PRKD1: variants seen among roughly 807,000 people sequenced by gnomAD.
The protein encoded by PRKD1 is serine/threonine-protein kinase D1.
PRKD1 carries 63 observed loss-of-function variants against 95.9 expected under a neutral mutation model. That is an observed-to-expected ratio of 0.66 (90% CI 0.54 to 0.81). The LOEUF (loss-of-function observed/expected upper bound fraction) is 0.81, where lower values mean the gene tolerates loss of function less well. PRKD1 is among the 30% of genes least tolerant of loss of function. The pLI, the probability that PRKD1 is intolerant of heterozygous loss-of-function variation, is 0.00. For missense variants in PRKD1, 1,048 were observed against 1,165.3 expected, an observed-to-expected ratio of 0.90 and a Z score of 1.47; for synonymous variants, 425 against 423.1, an observed-to-expected ratio of 1.00 and a Z score of -0.05.
intron 4 of PRKD1, among the ~76,000 whole-genome samples, chr14:29,640,595 T>G (rs1017204925): frequency 2.0e-5 from 3 of 152,142 alleles, no homozygotes; most frequent in South Asian, 2.1e-4. Flanking sequence ...ACCAGAATCA[T>G]GAATATATTG....
In PRKD1 at chr14:29,638,528, C is replaced by T; in HGVS notation, c.946G>A (p.Val316Ile). The change falls in exon 6 of 18, where the codon GTA (valine) becomes ATA (isoleucine). Residue 316 changes from valine to isoleucine, a missense_variant. Val to Ile is a conservative substitution (Grantham distance 29, BLOSUM62 3). Coordinates refer to ENST00000331968, the MANE Select transcript of PRKD1 (RefSeq NM_002742.3). ...ACTTCGCCAAGGCAGTTGTTTGGTA[C>T]TTTCGGTGCACAACGTTTATGGCAG... ...FNCHKRCAPK[V>I]PNNCLGEVTI... The T allele has an allele frequency of 3.1e-6, 5 of 1,614,214 alleles. No individual in the cohort carries two copies. Among genetic ancestry groups the T allele is most frequent in the Non-Finnish European group, 4.2e-6 (5 of 1,180,024 alleles).
chr14:29,646,834 G>C (rs1449317515), intron 4 of PRKD1, among the ~76,000 whole-genome samples: 1 of 151,246 alleles, frequency 6.6e-6, no homozygotes, highest in Non-Finnish European at 1.5e-5. Flanking sequence ...GGATTTTCCA[G>C]CACAGAGCTC....
chr14:29,900,993 G>T (rs1255059478), intron 1 of PRKD1, among the ~76,000 whole-genome samples: 2 of 152,156 alleles, frequency 1.3e-5, no homozygotes, highest in African/African-American at 4.8e-5. Flanking sequence ...CTGGGTATAT[G>T]CCCAAAAGAA....
rs529232378 is a variant in PRKD1 at position 29,786,302 on chromosome 14, T to G, written c.265-60628A>C. 8.5e-5 allele frequency among the ~76,000 whole-genome samples: 13 copies of G among 152,302 alleles called. No individual in the cohort carries two copies. The South Asian group carries it at 2.7e-3, about 32-fold the overall frequency. On this transcript the variant is annotated intron_variant, in intron 1 of 17. Coordinates refer to ENST00000331968, the MANE Select transcript of PRKD1 (RefSeq NM_002742.3). ...ATCAGGAATATGGCTTACAATTTTC[T>G]TTTTTTGTTGTTTCCTTGTCTGGTT... is the stretch of plus-strand genomic sequence containing the variant.
chr14:29,687,202 C>T (rs1249315140), intron 2 of PRKD1, among the ~76,000 whole-genome samples: 2 of 152,138 alleles, frequency 1.3e-5, no homozygotes, highest in Non-Finnish European at 2.9e-5. Flanking sequence ...TCTCTAATCT[C>T]TTATGATAAT....
chr14:29,750,616 G>GCACGCACACA (rs1887435870), intron 1 of PRKD1, among the ~76,000 whole-genome samples: 1 of 148,374 alleles, frequency 6.7e-6, no homozygotes, highest in African/African-American at 2.5e-5. Flanking sequence ...ATGAACGCGC[G>GCACGCACACA]CACACACACA....
At chr14:29,876,313 A>G (rs1237146007) in intron 1 of PRKD1, among the ~76,000 whole-genome samples, 1 of 152,184 alleles carries the variant, frequency 6.6e-6, no homozygotes, top group African/African-American at 2.4e-5. Context: ...GATAAAGAAC[A>G]GGTCATTGCC....
At chr14:29,778,519 A>G (rs547518265) in intron 1 of PRKD1, among the ~76,000 whole-genome samples, 82 of 152,346 alleles carry the variant, frequency 5.4e-4, no homozygotes, top group Middle Eastern at 3.4e-3. Context: ...TCTCTATGCA[A>G]ATAAACTAGA....
intron 2 of PRKD1, among the ~76,000 whole-genome samples, chr14:29,668,204 C>T (rs909999484): frequency 2.0e-5 from 3 of 152,210 alleles, no homozygotes; most frequent in Middle Eastern, 6.8e-3. Flanking sequence ...CATGCCACCT[C>T]GCCTAATCAC....
chr14:29,705,494 T>A (rs573226948), intron 2 of PRKD1, among the ~76,000 whole-genome samples: 15 of 151,992 alleles, frequency 9.9e-5, no homozygotes, highest in African/African-American at 3.6e-4. Context: ...ATTCACATCC[T>A]ATACAATTAA....
chr14:29,641,065 T>C (rs962106147), intron 4 of PRKD1, among the ~76,000 whole-genome samples: 5 of 152,190 alleles, frequency 3.3e-5, no homozygotes, highest in African/African-American at 1.2e-4. Flanking sequence ...AAGGGCAAGA[T>C]TATGTAAGAA....
intron 1 of PRKD1, among the ~76,000 whole-genome samples, chr14:29,884,696 C>A (rs573484350): frequency 2.6e-5 from 4 of 152,122 alleles, no homozygotes; most frequent in Non-Finnish European, 4.4e-5. Flanking sequence ...AAGACAGATG[C>A]TAGGATATTA....
chr14:29,597,503 T>G lies in PRKD1; in HGVS notation c.2422A>C (p.Ile808Leu), dbSNP rs139355024. ...TGGAAGATATTACCTTCATGAGATA[T>G]TTCCTTCCAGGGATTTGGTGGATAC... ...FMYPPNPWKE[I>L]SHEAIDLINN... The change falls in exon 16 of 18, where the codon ATA becomes CTA. Residue 808 changes from isoleucine (I) to leucine (L), a missense_variant. Physicochemically the swap from Ile to Leu is conservative, Grantham distance 5. Transcript: ENST00000331968. 18 of 1,602,966 alleles carry G rather than the reference T, an allele frequency of 1.1e-5. No individual in the cohort carries two copies. Among genetic ancestry groups the G allele is most frequent in the Non-Finnish European group, 1.5e-5 (17 of 1,170,782 alleles).
At chr14:29,876,375 G>C (rs1893290972) in intron 1 of PRKD1, among the ~76,000 whole-genome samples, 1 of 152,152 alleles carries the variant, frequency 6.6e-6, no homozygotes, top group Non-Finnish European at 1.5e-5. Context: ...AGGAATTTTG[G>C]AGGATGATGA....
chr14:29,602,971 C>G (rs1160419603), intron 13 of PRKD1, among the ~76,000 whole-genome samples: 3 of 152,180 alleles, frequency 2.0e-5, no homozygotes, highest in African/African-American at 7.2e-5. Context: ...CAAATGTTCT[C>G]TAATAGCATC....
At chr14:29,610,229 C>T (rs912170718) in intron 13 of PRKD1, among the ~76,000 whole-genome samples, 1 of 152,050 alleles carries the variant, frequency 6.6e-6, no homozygotes. Context: ...AAAAAAGCCA[C>T]AGACTGGGAG....
intron 1 of PRKD1, among the ~76,000 whole-genome samples, chr14:29,868,532 A>AT (rs1160515330): frequency 2.0e-5 from 3 of 152,166 alleles, no homozygotes; most frequent in African/African-American, 7.2e-5. Flanking sequence ...ACTTGGAGAG[A>AT]TTTGGCACTG....
chr14:29,605,575 C>T (rs1180536613), intron 13 of PRKD1, among the ~76,000 whole-genome samples: 2 of 152,152 alleles, frequency 1.3e-5, no homozygotes, highest in Non-Finnish European at 2.9e-5. Flanking sequence ...AGAGTCTTTG[C>T]TATAATCCCC....
intron 4 of PRKD1, among the ~76,000 whole-genome samples, chr14:29,659,020 C>A (rs115879466): frequency 6.6e-6 from 1 of 152,250 alleles, no homozygotes; most frequent in African/African-American, 2.4e-5. Context: ...TACTGAGGTA[C>A]AATTCATATG....
Sources: allele counts gnomAD v4.1 joint callset (sites outside exome capture counted in the v4.1 genomes callset), GRCh38; gene constraint gnomAD v4.1.1; transcripts MANE v1.5; gene names NCBI Gene and HGNC (gene_info 2026-07-23, HGNC 2026-07-21).